Variants in PLEKHA7 observed in about 807,000 individuals in gnomAD.
PLEKHA7 encodes the protein pleckstrin homology domain-containing family A member 7.
Under a neutral mutation model 170.0 loss-of-function variants are expected in PLEKHA7, and 104 were observed. That is an observed-to-expected ratio of 0.61 (90% CI 0.52 to 0.72). PLEKHA7 has a LOEUF of 0.72. Among genes scored for constraint, PLEKHA7 ranks in the 30% least tolerant of loss-of-function variants. PLEKHA7 has a pLI of 0.00. For synonymous variants in PLEKHA7, 648 were observed against 660.8 expected, an observed-to-expected ratio of 0.98 and a Z score of 0.30; for missense variants, 1,615 against 1,671.7, an observed-to-expected ratio of 0.97 and a Z score of 0.59.
intron 19 of PLEKHA7, among the ~76,000 whole-genome samples, chr11:16,794,277 T>G (rs1848058382): frequency 6.6e-6 from 1 of 151,984 alleles, no homozygotes; most frequent in South Asian, 2.1e-4. Context: ...AGAGTTGGGT[T>G]AGATCATCTT....
At chr11:16,808,754 C>A (rs1158384143) in intron 13 of PLEKHA7, among the ~76,000 whole-genome samples, 1 of 152,168 alleles carries the variant, frequency 6.6e-6, no homozygotes, top group African/African-American at 2.4e-5. Context: ...AAAGTGTCAA[C>A]AACAGTGAAC....
intron 3 of PLEKHA7, among the ~76,000 whole-genome samples, chr11:16,965,273 A>G (rs960726681): frequency 1.1e-4 from 17 of 152,160 alleles, no homozygotes; most frequent in Admixed American, 7.9e-4. Flanking sequence ...CAGTGAGCCA[A>G]GATCACACCA....
intron 3 of PLEKHA7, among the ~76,000 whole-genome samples, chr11:16,947,367 G>C (rs988157368): frequency 6.6e-6 from 1 of 152,074 alleles, no homozygotes; most frequent in Admixed American, 6.5e-5. Context: ...AAGGCGGGCA[G>C]ATCACCTGAG....
intron 3 of PLEKHA7, among the ~76,000 whole-genome samples, chr11:16,989,278 C>G (rs907911690): frequency 5.9e-5 from 9 of 152,222 alleles, no homozygotes; most frequent in Admixed American, 3.3e-4. Flanking sequence ...TGGAATCAGA[C>G]CTGGACTAGA....
chr11:16,846,685 A>G (rs919953261), intron 8 of PLEKHA7, among the ~76,000 whole-genome samples: 3 of 152,188 alleles, frequency 2.0e-5, no homozygotes, highest in African/African-American at 7.2e-5. Flanking sequence ...CTGAAAGAGC[A>G]TTCTGGAAAC....
chr11:17,014,253 C>T, intron 1 of PLEKHA7, 52 bp from the exon 2 acceptor site: 1 of 1,398,410 alleles, frequency 7.2e-7, no homozygotes, highest in Non-Finnish European at 9.3e-7. Context: ...GCCGGGTGCC[C>T]GCCCGGCCCC....
chr11:16,926,820 G>T (rs905457070), intron 3 of PLEKHA7, among the ~76,000 whole-genome samples: 3 of 152,240 alleles, frequency 2.0e-5, no homozygotes, highest in African/African-American at 7.2e-5. Flanking sequence ...CTAGAAGAGA[G>T]CCTGGCTATC....
rs1645741786 is a variant in PLEKHA7 at position 16,851,299 on chromosome 11, T to G, written c.596-8A>C. On this transcript the variant is annotated splice_region_variant and splice_polypyrimidine_tract_variant and intron_variant, in intron 7 of 26. Coordinates refer to ENST00000531066, the MANE Select transcript of PLEKHA7 (RefSeq NM_001329630.2). Reference sequence around the variant, plus strand: ...CCGCTTCTTCTCGGCTGTCTTTGAATGGAAAAATGCATCAGAACAACCTTC... The same window carrying G: ...CCGCTTCTTCTCGGCTGTCTTTGAAGGGAAAAATGCATCAGAACAACCTTC... 2.5e-6 allele frequency: 4 copies of G among 1,605,632 alleles called. No homozygotes were observed. In the Admixed American group the frequency reaches 5.1e-5, roughly 20 times the overall value.
rs534724598 is a variant in PLEKHA7 at position 16,778,865 on chromosome 11, C to G, written c.*133G>C. 7 of 686,646 alleles carry G rather than the reference C, an allele frequency of 1.0e-5. No individual in the cohort carries two copies. The South Asian group carries it at 1.1e-4, about 11-fold the overall frequency. The allele number at this position is 686,646 out of a possible 1,614,324, so 42.5% of individuals were successfully genotyped here. ...CTGGCCTGTGGTGAACACCCGCAGT[C>G]GGTAAGCTGCTCCTTCCTCCGGCCG... is the stretch of plus-strand genomic sequence containing the variant. On this transcript the variant is annotated 3_prime_UTR_variant, in exon 27 of 27. Coordinates refer to ENST00000531066, the MANE Select transcript of PLEKHA7 (RefSeq NM_001329630.2).
chr11:16,998,522 G>A (rs999554494), intron 3 of PLEKHA7, among the ~76,000 whole-genome samples: 18 of 152,142 alleles, frequency 1.2e-4, no homozygotes, highest in Non-Finnish European at 2.4e-4. Context: ...CACAGAACAG[G>A]AAGCCAATTA....
At chr11:16,955,713 G>A (rs6486326) in intron 3 of PLEKHA7, among the ~76,000 whole-genome samples, 135,923 of 152,250 alleles carry the variant, frequency 0.89, 60,716 homozygotes, top group African/African-American at 0.93. Flanking sequence ...GAAGGACAGT[G>A]AAGACTACCT....
chr11:16,976,841 A>G (rs1165286206), intron 3 of PLEKHA7, among the ~76,000 whole-genome samples: 1 of 152,216 alleles, frequency 6.6e-6, no homozygotes, highest in East Asian at 1.9e-4. Flanking sequence ...GCTCACTACC[A>G]TAAGCCTAGC....
intron 13 of PLEKHA7, among the ~76,000 whole-genome samples, chr11:16,811,791 C>T (rs1367325447): frequency 1.3e-5 from 2 of 152,196 alleles, no homozygotes; most frequent in South Asian, 2.1e-4. Flanking sequence ...AGGATAGAGT[C>T]AACAGCCTGC....
chr11:16,964,623 A>C (rs556813632), intron 3 of PLEKHA7, among the ~76,000 whole-genome samples: 173 of 152,358 alleles, frequency 1.1e-3, no homozygotes, highest in Non-Finnish European at 2.0e-3. Context: ...GGATTCCTTC[A>C]GTTTGGTAAA....
At chr11:16,849,888 AAC>A (rs1257272856) in intron 8 of PLEKHA7, among the ~76,000 whole-genome samples, 2 of 152,200 alleles carry the variant, frequency 1.3e-5, no homozygotes, top group Non-Finnish European at 2.9e-5. Flanking sequence ...ACTCGAGGGA[AAC>A]ACAGGAACAA....
intron 3 of PLEKHA7, among the ~76,000 whole-genome samples, chr11:17,003,862 G>A (rs1381602034): frequency 6.6e-6 from 1 of 152,122 alleles, no homozygotes; most frequent in Non-Finnish European, 1.5e-5. Flanking sequence ...AAGTGATCCG[G>A]CACAACTCAC....
At chr11:16,810,272 C>A (rs540167909) in intron 13 of PLEKHA7, among the ~76,000 whole-genome samples, 1 of 152,350 alleles carries the variant, frequency 6.6e-6, no homozygotes, top group East Asian at 1.9e-4. Context: ...CTGATTCCAG[C>A]CCTTCCTTCA....
intron 3 of PLEKHA7, among the ~76,000 whole-genome samples, chr11:16,960,383 A>C (rs968954524): frequency 6.6e-6 from 1 of 152,198 alleles, no homozygotes; most frequent in Admixed American, 6.5e-5. Context: ...TAAGCCATCT[A>C]GATTCCAAAT....
intron 3 of PLEKHA7, among the ~76,000 whole-genome samples, chr11:16,909,997 G>A (rs1236267001): frequency 6.6e-6 from 1 of 152,106 alleles, no homozygotes; most frequent in Non-Finnish European, 1.5e-5. Flanking sequence ...AGAAGAGGTA[G>A]ATCAAATTTA....
Sources: gnomAD v4.1 joint callset for allele counts (sites outside exome capture counted in the v4.1 genomes callset) on GRCh38, gnomAD v4.1.1 for gene constraint, MANE v1.5 for transcripts, NCBI Gene and HGNC (gene_info 2026-07-23, HGNC 2026-07-21) for gene names.